LRP5: variants seen among roughly 807,000 people sequenced by gnomAD.
The protein encoded by LRP5 is low-density lipoprotein receptor-related protein 5.
In LRP5, 62 loss-of-function variants were observed where a neutral mutation model predicts 154.1. That is an observed-to-expected ratio of 0.40 (90% confidence interval 0.33 to 0.50). The LOEUF (loss-of-function observed/expected upper bound fraction) is 0.50, where lower values mean the gene tolerates loss of function less well. Ranked by LOEUF, LRP5 falls within the 20% of genes least tolerant of loss-of-function variation. The pLI, the probability that LRP5 is intolerant of heterozygous loss-of-function variation, is 0.55. For synonymous variants in LRP5, 966 were observed against 1,011.5 expected, an observed-to-expected ratio of 0.96 and a Z score of 0.85; for missense variants, 1,915 against 2,336.7, an observed-to-expected ratio of 0.82 and a Z score of 3.72.
intron 16 of LRP5, among the ~76,000 whole-genome samples, 179 bp downstream of exon 16, chr11:68,426,366 GT>G (rs1406039207): frequency 6.6e-6 from 1 of 150,842 alleles, no homozygotes; most frequent in Non-Finnish European, 1.5e-5. Context: ...CTCTGAGGTT[GT>G]TTTCTTTTGC....
chr11:68,309,501 G>A (rs895540344), upstream of LRP5, among the ~76,000 whole-genome samples: 1 of 151,792 alleles, frequency 6.6e-6, no homozygotes, highest in African/African-American at 2.4e-5. Flanking sequence ...CCAAAGTGCT[G>A]GGATTATAGG....
intron 7 of LRP5, among the ~76,000 whole-genome samples, chr11:68,395,994 TCA>T (rs1463531918): frequency 6.6e-6 from 1 of 152,034 alleles, no homozygotes; most frequent in African/African-American, 2.4e-5. Context: ...GACCCCCATC[TCA>T]CATGAGGGTC....
chr11:68,373,583 G>A (rs1372024471), intron 5 of LRP5, among the ~76,000 whole-genome samples: 3 of 152,282 alleles, frequency 2.0e-5, no homozygotes, highest in East Asian at 3.9e-4. Context: ...GGACCATGGC[G>A]GCTGCGATGC....
intron 1 of LRP5, among the ~76,000 whole-genome samples, chr11:68,313,104 G>GGGA (rs2098589851): frequency 6.7e-6 from 1 of 149,384 alleles, no homozygotes; most frequent in East Asian, 2.0e-4. Flanking sequence ...GCGGGAAGCC[G>GGGA]GGAGCCGAGC....
intron 13 of LRP5, among the ~76,000 whole-genome samples, chr11:68,419,637 T>TCAAG (rs568906486): frequency 1.6e-3 from 238 of 151,836 alleles, no homozygotes; most frequent in Non-Finnish European, 2.8e-3. Context: ...CCTCCCAGGT[T>TCAAG]CAAGCGACTC....
chr11:68,449,005 G>A lies in LRP5; in HGVS notation c.4783G>A (p.Ala1595Thr), dbSNP rs371285818. 149 of 1,593,374 alleles carry A rather than the reference G, an allele frequency of 9.4e-5. No individual in the cohort carries two copies. The highest frequency in any genetic ancestry group is 1.1e-4 in the Non-Finnish European group (131 of 1,174,018). ...GGAGGACAGCTGCCCGCCCTCGCCC[G>A]CCACCGAGAGGAGCTACTTCCATCT... ...SAEDSCPPSP[A>T]TERSYFHLFP... The change falls in exon 23 of 23, where the codon GCC (alanine) becomes ACC (threonine). Residue 1595 changes from alanine (A) to threonine (T), a missense_variant. This residue lies in a region of LRP5 where 1,094 missense variants were observed against 1,210.1 expected (regional missense o/e 0.90). Transcript: ENST00000294304.
chr11:68,425,837 T>A, intron 15 of LRP5, 141 bp from the exon 16 acceptor site: 1 of 748,446 alleles, frequency 1.3e-6, no homozygotes, highest in Non-Finnish European at 2.2e-6. Context: ...CCAGGGACTC[T>A]GCTGCAGCTC....
chr11:68,372,632 C>T (rs376585530), intron 5 of LRP5, among the ~76,000 whole-genome samples: 6 of 152,146 alleles, frequency 3.9e-5, no homozygotes, highest in East Asian at 3.8e-4. Flanking sequence ...TTATACTCCC[C>T]GCTCCATGGG....
chr11:68,332,267 G>T (rs2098603271), intron 1 of LRP5, among the ~76,000 whole-genome samples: 1 of 152,196 alleles, frequency 6.6e-6, no homozygotes, highest in African/African-American at 2.4e-5. Context: ...GCAAAATATG[G>T]TATTTATTCA....
At chr11:68,401,295 C>T (rs559432327) in intron 7 of LRP5, among the ~76,000 whole-genome samples, 1 of 152,300 alleles carries the variant, frequency 6.6e-6, no homozygotes, top group East Asian at 1.9e-4. Context: ...ACCAGGGCTC[C>T]ATCACCTGCT....
chr11:68,326,172 G>A (rs1424108974), intron 1 of LRP5, among the ~76,000 whole-genome samples: 2 of 152,228 alleles, frequency 1.3e-5, no homozygotes, highest in Non-Finnish European at 2.9e-5. Flanking sequence ...GTGGGCTCTA[G>A]GAGTCTGGGG....
chr11:68,351,986 A>C (rs2098619032), intron 2 of LRP5, among the ~76,000 whole-genome samples: 1 of 152,076 alleles, frequency 6.6e-6, no homozygotes, highest in Admixed American at 6.6e-5. Context: ...GCTGTAGCAG[A>C]ATGTAGGGAA....
At position 68,364,356 on chromosome 11, in the gene LRP5, ATATGTG is replaced by A. The variant is rs1195587468; in HGVS notation, c.883+415_883+420del. 2.0e-4 allele frequency among the ~76,000 whole-genome samples: 26 copies of A among 127,498 alleles called. No individual in the cohort carries two copies. The Middle Eastern group carries it at 0.011, about 55-fold the overall frequency. The allele number at this position is 127,498 out of a possible 152,430, so 83.6% of individuals were successfully genotyped here. ...TATATGGTTATTTATATATACATATATATGTGTGTGTGTGTGTGTGTGTGTGTGTGT... is the reference window on the plus strand; with the variant it reads ...TATATGGTTATTTATATATACATATATGTGTGTGTGTGTGTGTGTGTGTGT... On this transcript the variant is annotated intron_variant, in intron 4 of 22. Coordinates refer to ENST00000294304, the MANE Select transcript of LRP5 (RefSeq NM_002335.4).
At chr11:68,300,249 G>A in the LRP5 span, among the ~76,000 whole-genome samples, 4 of 149,228 alleles carry the variant, frequency 2.7e-5, no homozygotes, top group South Asian at 8.4e-4. Flanking sequence ...AGGAGATGGA[G>A]CTGGCCGAGG....
chr11:68,447,905 G>A lies in LRP5; in HGVS notation c.4587-904G>A, dbSNP rs779225122. ...GATGGGAGGTCAGGAGCCATCTTGC[G>A]AGTCAGGTTGCTTGAACTCAGGATG... On this transcript the variant is annotated intron_variant, in intron 22 of 22. Transcript: ENST00000294304. The surrounding 1 kb of genome is among the most constrained non-coding windows in gnomAD (Gnocchi z 4.3). 6.6e-6 allele frequency among the ~76,000 whole-genome samples: 1 copy of A among 152,304 alleles called. No individual in the cohort carries two copies. Among genetic ancestry groups the A allele is most frequent in the Non-Finnish European group, 1.5e-5 (1 of 68,022 alleles).
intron 21 of LRP5, among the ~76,000 whole-genome samples, chr11:68,442,734 C>T (rs971389632): frequency 2.0e-5 from 3 of 152,216 alleles, no homozygotes; most frequent in African/African-American, 7.2e-5. Context: ...CGTAACCCAT[C>T]TCCGGGAGGA....
intron 21 of LRP5, among the ~76,000 whole-genome samples, chr11:68,444,828 C>A (rs1489817008): frequency 2.0e-5 from 3 of 152,070 alleles, no homozygotes; most frequent in Non-Finnish European, 4.4e-5. Flanking sequence ...CTCTCTGCTG[C>A]CTCCCTGCCT....
chr11:68,341,059 C>CTTTATTTTTTTTTTT (rs2098608755), intron 1 of LRP5, among the ~76,000 whole-genome samples: 1 of 83,496 alleles, frequency 1.2e-5, no homozygotes, highest in Non-Finnish European at 2.4e-5. Flanking sequence ...GGAGATTGTT[C>CTTTATTTTTTTTTTT]TTTTTTTTTT....
chr11:68,437,063 T>C (rs2098675442), intron 19 of LRP5, 64 bp downstream of exon 19: 1 of 1,386,014 alleles, frequency 7.2e-7, no homozygotes, highest in African/African-American at 1.4e-5. Flanking sequence ...ACGTGGAGTT[T>C]AGGGGAGGAG....
Sources: gnomAD v4.1 joint callset for allele counts (sites outside exome capture counted in the v4.1 genomes callset) on GRCh38, gnomAD v4.1.1 for gene constraint, gnomAD v4.1.1 regional missense constraint, Gnocchi (gnomAD v3.1) non-coding constraint, MANE v1.5 for transcripts, NCBI Gene and HGNC (gene_info 2026-07-23, HGNC 2026-07-21) for gene names.